The following UNC13C variants were observed in gnomAD, a reference collection of about 807,000 sequenced individuals.
The protein encoded by UNC13C is unc-13 homolog C, also known as protein unc-13 homolog C.
Under a neutral mutation model 245.4 loss-of-function variants are expected in UNC13C, and 174 were observed. The ratio of observed to expected loss-of-function variants is 0.71; its 90% confidence interval spans 0.63 to 0.80. The LOEUF is 0.80. Among genes scored for constraint, UNC13C ranks in the 30% least tolerant of loss-of-function variants. The probability of loss-of-function intolerance (pLI) is 0.00; values close to 1 mark genes in which losing one functional copy is unlikely to be tolerated. For synonymous variants in UNC13C, 992 were observed against 895.1 expected (o/e 1.11, Z -1.93); for missense variants, 2,829 against 2,602.9 (o/e 1.09, Z -1.89).
chr15:53,885,714 GT>G, the UNC13C span, among the ~76,000 whole-genome samples: 1 of 152,158 alleles, frequency 6.6e-6, no homozygotes, highest in Admixed American at 6.5e-5. Context: ...GGTAAGAAAA[GT>G]GATCACACCT....
chr15:54,572,997 C>G (rs757186090), intron 30 of UNC13C, among the ~76,000 whole-genome samples: 10 of 151,944 alleles, frequency 6.6e-5, no homozygotes, highest in Non-Finnish European at 1.3e-4. Flanking sequence ...GTAACTATTG[C>G]ATTTAATATA....
intron 2 of UNC13C, among the ~76,000 whole-genome samples, chr15:54,070,565 G>T (rs1388487498): frequency 6.6e-6 from 1 of 152,088 alleles, no homozygotes; most frequent in African/African-American, 2.4e-5. Context: ...GACCTGTTTT[G>T]TTAGCTTGCA....
chr15:54,177,076 T>G (rs1486568573), intron 4 of UNC13C, among the ~76,000 whole-genome samples: 2 of 152,048 alleles, frequency 1.3e-5, no homozygotes, highest in African/African-American at 4.8e-5. Flanking sequence ...TCTGAAAACC[T>G]AAAGTGTTTC....
intron 2 of UNC13C, among the ~76,000 whole-genome samples, chr15:54,023,829 A>C (rs1895996810): frequency 6.6e-6 from 1 of 152,178 alleles, no homozygotes. Flanking sequence ...GTTGTTGCAA[A>C]GTGTACAATG....
the UNC13C span, among the ~76,000 whole-genome samples, chr15:53,907,146 C>T: frequency 1.3e-5 from 2 of 152,146 alleles, no homozygotes; most frequent in African/African-American, 4.8e-5. Context: ...CTGCTTTCTG[C>T]TTCTTCCAAA....
chr15:53,908,541 C>A, the UNC13C span, among the ~76,000 whole-genome samples: 1 of 144,806 alleles, frequency 6.9e-6, no homozygotes, highest in East Asian at 2.0e-4. Context: ...AAGTTCTAGA[C>A]CAGCCTGGGC....
chr15:53,985,814 C>G (rs1894115037), intron 1 of UNC13C, among the ~76,000 whole-genome samples: 1 of 152,138 alleles, frequency 6.6e-6, no homozygotes, highest in South Asian at 2.1e-4. Context: ...CTACTACTTT[C>G]GTCTGGTTTT....
At chr15:54,428,295 C>G (rs372490784) in intron 19 of UNC13C, among the ~76,000 whole-genome samples, 1 of 151,796 alleles carries the variant, frequency 6.6e-6, no homozygotes, top group Non-Finnish European at 1.5e-5. Context: ...TGGAAGGCCC[C>G]GCATTGTTGC....
At chr15:54,059,813 C>T (rs1308244702) in intron 2 of UNC13C, among the ~76,000 whole-genome samples, 1 of 152,136 alleles carries the variant, frequency 6.6e-6, no homozygotes, top group Non-Finnish European at 1.5e-5. Context: ...AATAATGCCT[C>T]ATATCTACAA....
chr15:54,085,206 A>G (rs1053111725), intron 2 of UNC13C, among the ~76,000 whole-genome samples: 3 of 152,188 alleles, frequency 2.0e-5, no homozygotes, highest in African/African-American at 7.2e-5. Context: ...TTATAGGGCT[A>G]AGATCCTAGA....
chr15:54,145,882 G>T (rs945663611), intron 4 of UNC13C, among the ~76,000 whole-genome samples: 4 of 152,200 alleles, frequency 2.6e-5, no homozygotes, highest in African/African-American at 7.2e-5. Context: ...TTAAGCACAT[G>T]CAGTATAAAT....
chr15:54,287,724 C>T (rs984013989), intron 10 of UNC13C, among the ~76,000 whole-genome samples: 21 of 152,024 alleles, frequency 1.4e-4, no homozygotes, highest in Admixed American at 8.5e-4. Context: ...TCTCTAGTTG[C>T]AGGAGAGGTT....
At chr15:54,024,221 T>TA (rs1397304344) in intron 2 of UNC13C, among the ~76,000 whole-genome samples, 2 of 152,168 alleles carry the variant, frequency 1.3e-5, no homozygotes, top group Non-Finnish European at 2.9e-5. Context: ...TGATGGCTTC[T>TA]AAAGCATTTA....
intron 27 of UNC13C, among the ~76,000 whole-genome samples, chr15:54,549,190 G>A (rs1439052432): frequency 6.6e-6 from 1 of 152,292 alleles, no homozygotes; most frequent in Admixed American, 6.5e-5. Context: ...TGAGGGAGGG[G>A]TTAAGAGGGT....
At chr15:54,465,750 G>C (rs1892131824) in intron 19 of UNC13C, among the ~76,000 whole-genome samples, 1 of 151,968 alleles carries the variant, frequency 6.6e-6, no homozygotes, top group African/African-American at 2.4e-5. Context: ...GATACATAAT[G>C]AGGATTAGAC....
intron 10 of UNC13C, among the ~76,000 whole-genome samples, chr15:54,286,650 A>G (rs774713706): frequency 6.6e-5 from 10 of 152,204 alleles, no homozygotes; most frequent in Non-Finnish European, 1.0e-4. Context: ...GACCATATCT[A>G]GGAGACTCTA....
intron 17 of UNC13C, among the ~76,000 whole-genome samples, chr15:54,344,690 C>T (rs2038819769): frequency 6.6e-6 from 1 of 152,168 alleles, no homozygotes; most frequent in Non-Finnish European, 1.5e-5. Context: ...GGCTGCAACT[C>T]CATGCTCCTA....
At chr15:54,054,072 T>C (rs1432130901) in intron 2 of UNC13C, among the ~76,000 whole-genome samples, 2 of 152,224 alleles carry the variant, frequency 1.3e-5, no homozygotes, top group Non-Finnish European at 2.9e-5. Flanking sequence ...TTGTGAATAG[T>C]GCTGCAGTAA....
At chr15:54,208,533 C>G (rs531063114) in intron 4 of UNC13C, among the ~76,000 whole-genome samples, 2 of 152,022 alleles carry the variant, frequency 1.3e-5, no homozygotes, top group Admixed American at 1.3e-4. Context: ...GTAATAAAGG[C>G]CCCTGCCCTC....
Sources: gnomAD v4.1 joint callset for allele counts (sites outside exome capture counted in the v4.1 genomes callset) on GRCh38, gnomAD v4.1.1 for gene constraint, MANE v1.5 for transcripts, NCBI Gene and HGNC (gene_info 2026-07-23, HGNC 2026-07-21) for gene names.